SNTG1: variants seen among roughly 807,000 people sequenced by gnomAD.
SNTG1 encodes syntrophin gamma 1.
Under a neutral mutation model 74.7 loss-of-function variants are expected in SNTG1, and 39 were observed. The ratio of observed to expected loss-of-function variants is 0.52; its 90% CI spans 0.40 to 0.68. The LOEUF (loss-of-function observed/expected upper bound fraction) is 0.68, where lower values mean the gene tolerates loss of function less well. Ranked by LOEUF, SNTG1 falls within the 30% of genes least tolerant of loss-of-function variation. The probability of loss-of-function intolerance (pLI) is 0.00; values close to 1 mark genes in which losing one functional copy is unlikely to be tolerated. For synonymous variants in SNTG1, 254 were observed against 217.1 expected, an observed-to-expected ratio of 1.17 and a Z score of -1.49; for missense variants, 685 against 609.5, an observed-to-expected ratio of 1.12 and a Z score of -1.30.
At chr8:50,403,017 T>C (rs967920122) in intron 4 of SNTG1, among the ~76,000 whole-genome samples, 1 of 152,184 alleles carries the variant, frequency 6.6e-6, no homozygotes, top group African/African-American at 2.4e-5. Context: ...GATTAGATTT[T>C]ATTCTGCTAA....
At chr8:50,474,968 A>G (rs2093684382) in intron 8 of SNTG1, among the ~76,000 whole-genome samples, 2 of 151,372 alleles carry the variant, frequency 1.3e-5, no homozygotes, top group African/African-American at 2.4e-5. Context: ...TGAGCAAACT[A>G]TCGCAAGGAC....
intron 3 of SNTG1, among the ~76,000 whole-genome samples, chr8:50,398,645 G>T (rs570842369): frequency 2.1e-4 from 32 of 152,284 alleles, no homozygotes; most frequent in African/African-American, 7.2e-4. Context: ...GTAAATACGA[G>T]GCCGAGCGCG....
rs371401712 is a variant in SNTG1, at chr8:50,314,176, C to A, written c.-27-80036C>A. Among the ~76,000 whole-genome samples, 33 of 149,458 alleles carry A rather than the reference C, an allele frequency of 2.2e-4. 1 individual carries two copies. The highest frequency in any genetic ancestry group is 8.0e-4 in the African/African-American group (32 of 40,034). On this transcript the variant is annotated intron_variant, in intron 2 of 18. Coordinates refer to ENST00000642720, the MANE Select transcript of SNTG1 (RefSeq NM_018967.5). ...TAAAACTGAGGTGAGCATTCTGATT[C>A]GAATCTGGTTTCAGTGTTTTTATTT...
At chr8:50,721,063 C>T (rs1270145486) in intron 17 of SNTG1, among the ~76,000 whole-genome samples, 2 of 152,084 alleles carry the variant, frequency 1.3e-5, no homozygotes, top group African/African-American at 4.8e-5. Context: ...GATTTTTAAC[C>T]TTTTTTGTTC....
At chr8:50,474,415 A>G (rs908795638) in intron 8 of SNTG1, among the ~76,000 whole-genome samples, 1 of 151,994 alleles carries the variant, frequency 6.6e-6, no homozygotes, top group Non-Finnish European at 1.5e-5. Context: ...AAGTGGGCGA[A>G]GGATATGAAT....
intron 12 of SNTG1, among the ~76,000 whole-genome samples, chr8:50,554,739 C>G (rs2130624067): frequency 6.6e-6 from 1 of 152,252 alleles, no homozygotes; most frequent in Non-Finnish European, 1.5e-5. Context: ...ATTGTTTCCT[C>G]TCCTTCGACT....
At chr8:50,192,880 A>C (rs892873223) in intron 2 of SNTG1, among the ~76,000 whole-genome samples, 7 of 152,134 alleles carry the variant, frequency 4.6e-5, no homozygotes, top group Non-Finnish European at 1.0e-4. Flanking sequence ...CCAGCCAATT[A>C]TCCCAGCACT....
At chr8:50,383,610 T>C (rs946750885) in intron 2 of SNTG1, among the ~76,000 whole-genome samples, 7 of 152,184 alleles carry the variant, frequency 4.6e-5, no homozygotes, top group African/African-American at 1.7e-4. Flanking sequence ...ATTCCTTGTG[T>C]CCTCAGCAAA....
chr8:50,019,074 G>A (rs1816596958), intron 1 of SNTG1, among the ~76,000 whole-genome samples: 1 of 152,074 alleles, frequency 6.6e-6, no homozygotes, highest in African/African-American at 2.4e-5. Context: ...TCAAGGAAAA[G>A]AAGAGAAGAT....
At chr8:49,917,470 C>G (rs1332400054) in intron 1 of SNTG1, among the ~76,000 whole-genome samples, 1 of 152,182 alleles carries the variant, frequency 6.6e-6, no homozygotes, top group African/African-American at 2.4e-5. Flanking sequence ...TGTGAAGTCT[C>G]TAAGTCTGAT....
rs769623310 is a variant in SNTG1 at position 50,656,975 on chromosome 8, A to G, written c.916A>G (p.Thr306Ala). Reference protein sequence around the residue: ...DPLQDRVYSPTFLALRGSCLY... With the variant: ...DPLQDRVYSPAFLALRGSCLY... ...CCTCCAGGACAGAGTGTACTCCCCG[A>G]CCTTCCTGGCCCTGAGGGGCTCATG... The change falls in exon 14 of 19, where the codon ACC becomes GCC. Residue 306 changes from threonine (T) to alanine (A), a missense_variant. Coordinates refer to ENST00000642720, the MANE Select transcript of SNTG1 (RefSeq NM_018967.5). 1.0e-5 allele frequency: 16 copies of G among 1,595,678 alleles called. No individual in the cohort carries two copies. In the Admixed American group the frequency reaches 1.6e-4, roughly 16 times the overall value.
At chr8:49,975,103 C>T (rs894482171) in intron 1 of SNTG1, among the ~76,000 whole-genome samples, 1 of 152,134 alleles carries the variant, frequency 6.6e-6, no homozygotes, top group Non-Finnish European at 1.5e-5. Context: ...TCATGGCTCT[C>T]TTCCAAATGG....
chr8:50,485,576 T>A (rs1373104926), intron 8 of SNTG1, among the ~76,000 whole-genome samples: 3 of 150,850 alleles, frequency 2.0e-5, no homozygotes, highest in African/African-American at 7.3e-5. Context: ...ATTAGCCCTT[T>A]GTCAGATGAG....
intron 8 of SNTG1, among the ~76,000 whole-genome samples, chr8:50,500,599 T>A (rs565844860): frequency 1.3e-5 from 2 of 152,246 alleles, no homozygotes; most frequent in African/African-American, 2.4e-5. Flanking sequence ...TGACATATAC[T>A]TTTTACTATA....
intron 1 of SNTG1, among the ~76,000 whole-genome samples, chr8:50,028,041 T>C (rs1032660889): frequency 6.6e-6 from 1 of 152,146 alleles, no homozygotes. Flanking sequence ...TATGTCACAT[T>C]ACCACATGTT....
chr8:50,463,164 T>C (rs988784903), intron 8 of SNTG1, among the ~76,000 whole-genome samples: 1 of 152,182 alleles, frequency 6.6e-6, no homozygotes, highest in Non-Finnish European at 1.5e-5. Flanking sequence ...CTGTTTGTTG[T>C]TGTTTCCTAC....
rs200299603 is a variant in SNTG1, at chr8:50,704,696, G to A, written c.1135G>A (p.Ala379Thr). 3.8e-5 allele frequency: 61 copies of A among 1,613,984 alleles called. No homozygotes were observed. Among genetic ancestry groups the A allele is most frequent in the Non-Finnish European group, 4.7e-5 (55 of 1,180,018 alleles). Residue 379 changes from alanine (A) to threonine (T), a missense_variant, in exon 16 of 19, where the codon GCC (alanine) becomes ACC (threonine). Coordinates refer to ENST00000642720, the MANE Select transcript of SNTG1 (RefSeq NM_018967.5). ...YFSVELESDLAQWERAFQTAT... is the reference protein window; with the variant it reads ...YFSVELESDLTQWERAFQTAT... The stretch of plus-strand genomic sequence containing the variant: ...CTCAGTGGAGCTGGAAAGTGACCTC[G>A]CCCAGTGGGAAAGAGCCTTCCAGAC...
intron 2 of SNTG1, among the ~76,000 whole-genome samples, chr8:50,213,335 G>A (rs2084614990): frequency 1.3e-5 from 2 of 151,896 alleles, no homozygotes; most frequent in South Asian, 2.1e-4. Flanking sequence ...AGTGATAAAA[G>A]CAAACCCAAA....
intron 13 of SNTG1, among the ~76,000 whole-genome samples, chr8:50,615,586 A>G (rs1243319276): frequency 1.3e-5 from 2 of 152,216 alleles, no homozygotes; most frequent in Non-Finnish European, 2.9e-5. Flanking sequence ...TAGGAACTCT[A>G]CAAAAGCTTC....
Sources: gnomAD v4.1 joint callset for allele counts (sites outside exome capture counted in the v4.1 genomes callset) on GRCh38, gnomAD v4.1.1 for gene constraint, MANE v1.5 for transcripts, NCBI Gene and HGNC (gene_info 2026-07-23, HGNC 2026-07-21) for gene names.